EXTL3: variants seen among roughly 807,000 people sequenced by gnomAD.
EXTL3 encodes exostosin like glycosyltransferase 3.
Under a neutral mutation model 69.3 loss-of-function variants are expected in EXTL3, and 27 were observed. The ratio of observed to expected loss-of-function variants is 0.39; its 90% confidence interval spans 0.29 to 0.54. EXTL3 has a LOEUF of 0.54. EXTL3 is among the 20% of genes least tolerant of loss of function. The pLI is 0.69. For missense variants in EXTL3, 1,003 were observed against 1,231.8 expected, an observed-to-expected ratio of 0.81 and a Z score of 2.78; for synonymous variants, 511 against 499.4, an observed-to-expected ratio of 1.02 and a Z score of -0.31.
intron 1 of EXTL3, among the ~76,000 whole-genome samples, chr8:28,681,720 A>G (rs777223241): frequency 2.0e-5 from 3 of 152,116 alleles, no homozygotes; most frequent in Non-Finnish European, 2.9e-5. Flanking sequence ...AGGAGTCTCC[A>G]TACTGTTTTT....
chr8:28,704,102 AG>A (rs1054878161), intron 1 of EXTL3, among the ~76,000 whole-genome samples: 1 of 152,216 alleles, frequency 6.6e-6, no homozygotes. Context: ...TGATGTTACT[AG>A]GGAGAAGAGA....
At chr8:28,707,506 T>C (rs985200125) in intron 1 of EXTL3, among the ~76,000 whole-genome samples, 16 of 152,268 alleles carry the variant, frequency 1.1e-4, no homozygotes, top group Non-Finnish European at 1.5e-4. Context: ...TGCATTGAAG[T>C]GCGGACTTTC....
At chr8:28,695,339 G>C (rs1353894899) in intron 1 of EXTL3, among the ~76,000 whole-genome samples, 2 of 152,062 alleles carry the variant, frequency 1.3e-5, no homozygotes, top group African/African-American at 4.8e-5. Flanking sequence ...ATGTTGGTCA[G>C]GCTGGTCTTG....
At chr8:28,677,648 T>G (rs1242491610) in intron 1 of EXTL3, among the ~76,000 whole-genome samples, 2 of 152,132 alleles carry the variant, frequency 1.3e-5, no homozygotes, top group Non-Finnish European at 2.9e-5. Context: ...CACAGCTCGC[T>G]CTCCTCTGTT....
In EXTL3 at chr8:28,647,002, A is replaced by C. The variant is rs537730774; in HGVS notation, c.-53+24192A>C. 1.8e-4 allele frequency among the ~76,000 whole-genome samples: 28 copies of C among 152,308 alleles called. No homozygotes were observed. The South Asian group carries it at 5.8e-3, about 32-fold the overall frequency. ...GTTACTTCAGTGAACAAAACAGAGA[A>C]AAATCTCTGTTCTTGTGAGGCTTAC... On this transcript the variant is annotated intron_variant, in intron 1 of 6. Transcript: ENST00000523149.
chr8:28,708,248 A>T (rs778805778), intron 1 of EXTL3, among the ~76,000 whole-genome samples: 28 of 152,186 alleles, frequency 1.8e-4, no homozygotes, highest in Non-Finnish European at 3.5e-4. Flanking sequence ...TTTGCTTTTT[A>T]ATTGCTGAGG....
chr8:28,716,294 G>T lies in EXTL3; in HGVS notation c.235G>T (p.Val79Leu). 6.2e-7 allele frequency: 1 copy of T among 1,614,238 alleles called. No individual in the cohort carries two copies. Among genetic ancestry groups the T allele is most frequent in the Non-Finnish European group, 8.5e-7 (1 of 1,180,046 alleles). The change falls in exon 3 of 7, where the codon GTG becomes TTG. Residue 79 changes from valine (V) to leucine (L), a missense_variant. Around this residue, in one of 2 missense-constraint regions of EXTL3, gnomAD observed 742 missense variants for 815.4 expected, o/e 0.91. Transcript: ENST00000220562. The surrounding 1 kb of genome is among the most constrained non-coding windows in gnomAD (Gnocchi z 7.1). ...VGNELCEVKHVLDLCRIRESV... is the reference protein window; with the variant it reads ...VGNELCEVKHLLDLCRIRESV... ...GAACGAGCTGTGCGAGGTGAAGCAC[G>T]TGCTGGATCTGTGCCGCATCCGGGA...
upstream of EXTL3, among the ~76,000 whole-genome samples, chr8:28,620,510 G>C (rs942269106): frequency 6.6e-6 from 1 of 152,152 alleles, no homozygotes; most frequent in Non-Finnish European, 1.5e-5. Context: ...AAATGCAAGA[G>C]ATGCTGCCCC....
intron 1 of EXTL3, among the ~76,000 whole-genome samples, chr8:28,712,391 G>A (rs1274650768): frequency 2.0e-5 from 3 of 152,196 alleles, no homozygotes; most frequent in African/African-American, 7.2e-5. Flanking sequence ...CATGTTTCAC[G>A]ATGGTCCTGG....
chr8:28,694,789 G>A (rs1339530583), intron 1 of EXTL3, among the ~76,000 whole-genome samples: 1 of 152,180 alleles, frequency 6.6e-6, no homozygotes, highest in Non-Finnish European at 1.5e-5. Flanking sequence ...AAGCAGGCAG[G>A]TTGCCTGAGC....
At chr8:28,640,110 GA>G (rs560571707) in intron 1 of EXTL3, among the ~76,000 whole-genome samples, 1,944 of 150,988 alleles carry the variant, frequency 0.013, 52 homozygotes, top group African/African-American at 0.045. Flanking sequence ...AAAAAAAGAA[GA>G]AAAAAAAATC....
In EXTL3 at chr8:28,729,807, G is replaced by T. The variant is rs913459638; in HGVS notation, c.2149-1416G>T. On this transcript the variant is annotated intron_variant, in intron 3 of 6. Transcript: ENST00000220562. ...TTGAGCTCAGGAGTTCGAGACGCCT[G>T]GGGGGAACATAGTGATGAGACTTCG... Among the ~76,000 whole-genome samples the T allele has an allele frequency of 2.0e-5, 3 of 150,826 alleles. No homozygotes were observed. In the South Asian group the frequency reaches 6.3e-4, roughly 32 times the overall value.
chr8:28,626,641 T>G (rs772928295), intron 1 of EXTL3, among the ~76,000 whole-genome samples: 1 of 152,204 alleles, frequency 6.6e-6, no homozygotes, highest in Non-Finnish European at 1.5e-5. Context: ...CTGAATCTTA[T>G]AAAAACCCTG....
Position 28,691,572 on chromosome 8 carries a change from A to ATTTTTTTTTTTTTTTTTTTTT in EXTL3, c.-52-21873_-52-21872insTTTTTTTTTTTTTTTTTTTTT, listed in dbSNP as rs71222571. Reference sequence around the variant, plus strand: ...TGGTAAATATTTATCAGTTTTTGTGATTTTTTTTTTTTGCTATTGTGTTCC... The same window carrying ATTTTTTTTTTTTTTTTTTTTT: ...TGGTAAATATTTATCAGTTTTTGTGATTTTTTTTTTTTTTTTTTTTTTTTTTTTTTTTTGCTATTGTGTTCC... On this transcript the variant is annotated intron_variant, in intron 1 of 6. Transcript: ENST00000523149. Among the ~76,000 whole-genome samples, 188 of 135,388 alleles carry ATTTTTTTTTTTTTTTTTTTTT rather than the reference A, an allele frequency of 1.4e-3. 15 individuals carry two copies. The highest frequency in any genetic ancestry group is 5.8e-3 in the African/African-American group (178 of 30,932). The allele number at this position is 135,388 out of a possible 152,430, so 88.8% of individuals were successfully genotyped here.
chr8:28,712,210 A>G (rs1287533445), intron 1 of EXTL3, among the ~76,000 whole-genome samples: 1 of 152,238 alleles, frequency 6.6e-6, no homozygotes, highest in East Asian at 1.9e-4. Context: ...CAAAACAGGC[A>G]TAAAGTTTTG....
At chr8:28,713,615 G>A (rs1801076506) in intron 2 of EXTL3, 65 bp downstream of exon 2, 1 of 687,552 alleles carries the variant, frequency 1.5e-6, no homozygotes, top group East Asian at 2.7e-5. Context: ...CTTCCATTCT[G>A]TTGTTTCTTT....
intron 1 of EXTL3, among the ~76,000 whole-genome samples, chr8:28,627,488 CAA>C (rs35382851): frequency 0.014 from 1,343 of 92,868 alleles, 15 homozygotes; most frequent in South Asian, 0.096. Context: ...GACCCTGTCT[CAA>C]AAAAAAAAAA....
At chr8:28,691,823 G>A (rs1800620893) in intron 1 of EXTL3, among the ~76,000 whole-genome samples, 1 of 151,138 alleles carries the variant, frequency 6.6e-6, no homozygotes, top group African/African-American at 2.4e-5. Flanking sequence ...CTTGAACCCG[G>A]GAGGCAGAAG....
At chr8:28,736,668 C>G (rs1296207945) in intron 4 of EXTL3, among the ~76,000 whole-genome samples, 1 of 152,178 alleles carries the variant, frequency 6.6e-6, no homozygotes, top group Admixed American at 6.5e-5. Flanking sequence ...TGTGGTTAAA[C>G]CAGTGCTCTC....
Sources: allele counts gnomAD v4.1 joint callset (sites outside exome capture counted in the v4.1 genomes callset), GRCh38; gene constraint gnomAD v4.1.1; regional missense constraint gnomAD v4.1.1; non-coding constraint Gnocchi (gnomAD v3.1); transcripts MANE v1.5; gene names NCBI Gene and HGNC (gene_info 2026-07-23, HGNC 2026-07-21).